ARHGEF38: variants seen among roughly 807,000 people sequenced by gnomAD.
The protein encoded by ARHGEF38 is Rho guanine nucleotide exchange factor (GEF) 38.
Under a neutral mutation model 79.9 loss-of-function variants are expected in ARHGEF38, and 79 were observed. That is an observed-to-expected ratio of 0.99 (90% confidence interval 0.82 to 1.19). The LOEUF (loss-of-function observed/expected upper bound fraction) is 1.19, where lower values mean the gene tolerates loss of function less well. Ranked by LOEUF, ARHGEF38 falls within the 50% of genes most tolerant of loss-of-function variation. The probability of loss-of-function intolerance (pLI) is 0.00; values close to 1 mark genes in which losing one functional copy is unlikely to be tolerated. For synonymous variants in ARHGEF38, 366 were observed against 328.3 expected (o/e 1.11, Z -1.24); for missense variants, 962 against 907.2 (o/e 1.06, Z -0.78).
At chr4:105,584,802 G>A (rs1726954750) in intron 1 of ARHGEF38, among the ~76,000 whole-genome samples, 1 of 152,148 alleles carries the variant, frequency 6.6e-6, no homozygotes, top group South Asian at 2.1e-4. Flanking sequence ...GCAAAAGCAA[G>A]AAGAAAGGAA....
rs1250571797 is a variant in ARHGEF38, at chr4:105,679,408, T to G, written c.*1471T>G. The G allele has an allele frequency of 1.9e-6, 3 of 1,546,546 alleles. No individual in the cohort carries two copies. Among genetic ancestry groups the G allele is most frequent in the Non-Finnish European group, 2.7e-6 (3 of 1,121,288 alleles). ...TGAGACACTGCATTACTATTCAGCT[T>G]TCTAAGTTCTTTCCAAGCACAGCTG... On this transcript the variant is annotated 3_prime_UTR_variant, in exon 14 of 14. Transcript: ENST00000420470.
At chr4:105,660,965 A>G (rs983107556) in intron 10 of ARHGEF38, among the ~76,000 whole-genome samples, 1 of 152,098 alleles carries the variant, frequency 6.6e-6, no homozygotes, top group African/African-American at 2.4e-5. Flanking sequence ...CCCTAAAGGA[A>G]CCCTGTACCC....
Position 105,560,244 on chromosome 4 carries a change from T to C in ARHGEF38, c.196+7283T>C, listed in dbSNP as rs6821418. ...TTTAATAAATACTTTTTTTGTTTAGTTGTCGGGGAACAAAATTACAAAGGT... is the reference window on the plus strand; with the variant it reads ...TTTAATAAATACTTTTTTTGTTTAGCTGTCGGGGAACAAAATTACAAAGGT... On this transcript the variant is annotated intron_variant, in intron 1 of 13. Coordinates refer to ENST00000420470, the MANE Select transcript of ARHGEF38 (RefSeq NM_001242729.2). Among the ~76,000 whole-genome samples, 518 of 152,334 alleles carry C rather than the reference T, an allele frequency of 3.4e-3. 5 individuals carry two copies. The highest frequency in any genetic ancestry group is 0.012 in the African/African-American group (480 of 41,588).
intron 1 of ARHGEF38, among the ~76,000 whole-genome samples, chr4:105,583,098 A>G (rs1726874877): frequency 6.6e-6 from 1 of 152,170 alleles, no homozygotes; most frequent in South Asian, 2.1e-4. Context: ...GATTACACAT[A>G]GATTTGAATC....
chr4:105,611,258 G>A (rs1240327480), intron 2 of ARHGEF38, among the ~76,000 whole-genome samples: 1 of 152,040 alleles, frequency 6.6e-6, no homozygotes, highest in Non-Finnish European at 1.5e-5. Flanking sequence ...AAGTAAATTA[G>A]GGGCTGAAAT....
At chr4:105,587,005 GCCTCCTCACTGCAGCT>G (rs1316975469) in intron 1 of ARHGEF38, among the ~76,000 whole-genome samples, 1 of 148,716 alleles carries the variant, frequency 6.7e-6, no homozygotes, top group Non-Finnish European at 1.5e-5. Flanking sequence ...CCACAATGCA[GCCTCCTCACTGCAGCT>G]CCTCTCATAA....
At chr4:105,676,531 A>G (rs1050516081) in intron 13 of ARHGEF38, among the ~76,000 whole-genome samples, 3 of 152,240 alleles carry the variant, frequency 2.0e-5, no homozygotes, top group African/African-American at 7.2e-5. Context: ...TATTGCTTAA[A>G]TAAATGAATG....
chr4:105,634,426 G>C (rs769196243), intron 4 of ARHGEF38, among the ~76,000 whole-genome samples: 1 of 152,148 alleles, frequency 6.6e-6, no homozygotes. Context: ...AGTCAAATTA[G>C]TGACCCCTAA....
At chr4:105,564,321 A>G (rs1725782537) in intron 1 of ARHGEF38, among the ~76,000 whole-genome samples, 1 of 152,208 alleles carries the variant, frequency 6.6e-6, no homozygotes, top group Non-Finnish European at 1.5e-5. Context: ...ACACAATAAA[A>G]ACATTTGCAG....
rs59437354 is a variant in ARHGEF38, at chr4:105,561,400, T to TAGAATAGAATGGAATAGAATAG, written c.196+8440_196+8441insGAATAGAATGGAATAGAATAGA. Among the ~76,000 whole-genome samples, 32 of 30,182 alleles carry TAGAATAGAATGGAATAGAATAG rather than the reference T, an allele frequency of 1.1e-3. 1 individual carries two copies. Among genetic ancestry groups the TAGAATAGAATGGAATAGAATAG allele is most frequent in the East Asian group, 6.3e-3 (6 of 948 alleles). 19.8% of individuals were successfully genotyped at this position (30,182 alleles called of 152,430 possible). A position where few individuals can be genotyped will look rare whatever the true frequency, so the allele number is the denominator to read the frequency against. ...CTGGAGTCTCAAAAATAGAGTAGAATAATAGAATAGAATAGAATAGAATGG... is the reference window on the plus strand; with the variant it reads ...CTGGAGTCTCAAAAATAGAGTAGAATAGAATAGAATGGAATAGAATAGAATAGAATAGAATAGAATAGAATGG... On this transcript the variant is annotated intron_variant, in intron 1 of 13. Transcript: ENST00000420470.
rs1490358504 is a variant in ARHGEF38 at position 105,570,633 on chromosome 4, A to C, written c.196+17672A>C. 2.6e-5 allele frequency among the ~76,000 whole-genome samples: 4 copies of C among 152,270 alleles called. No homozygotes were observed. The East Asian group carries it at 7.7e-4, about 29-fold the overall frequency. Reference sequence around the variant, plus strand: ...AATCTTGTGAGAATTCACTGTCCAAAAACAGCAGCCTAGGGGTAACCATCC... The same window carrying C: ...AATCTTGTGAGAATTCACTGTCCAACAACAGCAGCCTAGGGGTAACCATCC... On this transcript the variant is annotated intron_variant, in intron 1 of 13. Coordinates refer to ENST00000420470, the MANE Select transcript of ARHGEF38 (RefSeq NM_001242729.2).
At position 105,678,766 on chromosome 4, in the gene ARHGEF38, T is replaced by C. The variant is rs1490522472; in HGVS notation, c.*829T>C. 1 of 151,276 alleles carries C rather than the reference T, an allele frequency of 6.6e-6. No homozygotes were observed. The highest frequency in any genetic ancestry group is 1.5e-5 in the Non-Finnish European group (1 of 67,876). The allele number at this position is 151,276 out of a possible 1,614,324, so 9.4% of individuals were successfully genotyped here. A position where few individuals can be genotyped will look rare whatever the true frequency, so the allele number is the denominator to read the frequency against. ...AATAAAATTCTAAGGCTTCCAACCA[T>C]CTAAATAGACTTCCCCTTCAGCCAG... On this transcript the variant is annotated 3_prime_UTR_variant, in exon 14 of 14. Transcript: ENST00000420470.
rs375499919 is a variant in ARHGEF38, at chr4:105,589,436, G to A, written c.384+1G>A. 1.1e-5 allele frequency: 18 copies of A among 1,600,536 alleles called. No homozygotes were observed. Among genetic ancestry groups the A allele is most frequent in the Non-Finnish European group, 1.5e-5 (18 of 1,176,010 alleles). ...GGTTCAGCCCCTGAGAAATAAAAAG[G>A]TAAATATATATTTGAGATTTTTTTT... On this transcript the variant is annotated splice_donor_variant, in intron 2 of 13. Coordinates refer to ENST00000420470, the MANE Select transcript of ARHGEF38 (RefSeq NM_001242729.2). LOFTEE classifies it high-confidence loss of function.
At chr4:105,665,269 C>A (rs928415121) in intron 10 of ARHGEF38, among the ~76,000 whole-genome samples, 1 of 151,840 alleles carries the variant, frequency 6.6e-6, no homozygotes, top group Non-Finnish European at 1.5e-5. Context: ...CCGAGGCGGG[C>A]GGATCATGAG....
intron 9 of ARHGEF38, among the ~76,000 whole-genome samples, chr4:105,656,244 C>A (rs772230791): frequency 6.6e-6 from 1 of 151,904 alleles, no homozygotes; most frequent in African/African-American, 2.4e-5. Context: ...TTTGTAGAGG[C>A]GGGGTTTCAC....
chr4:105,673,764 GGTTTT>G lies in ARHGEF38; in HGVS notation c.2149-3966_2149-3962del, dbSNP rs368317714. On this transcript the variant is annotated intron_variant, in intron 13 of 13. Transcript: ENST00000420470. The stretch of plus-strand genomic sequence containing the variant: ...AGAAGATACTAATAGCAGTTGGGTG[GGTTTT>G]GTTTTGTTTTGTTTTGTTTTGCTTA... Among the ~76,000 whole-genome samples the G allele has an allele frequency of 9.3e-3, 1,416 of 151,992 alleles. 18 individuals carry two copies. The highest frequency in any genetic ancestry group is 0.03 in the African/African-American group (1,226 of 41,474).
intron 2 of ARHGEF38, among the ~76,000 whole-genome samples, chr4:105,611,521 A>G (rs1486773876): frequency 1.3e-5 from 2 of 152,084 alleles, no homozygotes; most frequent in African/African-American, 4.8e-5. Flanking sequence ...ATAATGAAGT[A>G]TTATTAAATG....
chr4:105,665,461 C>T (rs999632293), intron 10 of ARHGEF38, among the ~76,000 whole-genome samples: 21 of 151,898 alleles, frequency 1.4e-4, no homozygotes, highest in Non-Finnish European at 4.4e-5. Context: ...CGTGCCTCTG[C>T]ACTCCAGCCT....
At chr4:105,588,174 A>T (rs1560704424) in intron 1 of ARHGEF38, among the ~76,000 whole-genome samples, 1 of 152,150 alleles carries the variant, frequency 6.6e-6, no homozygotes, top group African/African-American at 2.4e-5. Context: ...ACTTTCATAC[A>T]TTGTGACCTG....
Sources: allele counts gnomAD v4.1 joint callset (sites outside exome capture counted in the v4.1 genomes callset), GRCh38; gene constraint gnomAD v4.1.1; transcripts MANE v1.5; gene names NCBI Gene and HGNC (gene_info 2026-07-23, HGNC 2026-07-21).